The following DNAJB14 variants were observed in gnomAD, a reference collection of about 807,000 sequenced individuals.
The protein encoded by DNAJB14 is DnaJ heat shock protein family (Hsp40) member B14.
A neutral mutation model predicts 48.4 loss-of-function variants in DNAJB14; 22 were observed. The ratio of observed to expected loss-of-function variants is 0.45; its 90% CI spans 0.32 to 0.65. The LOEUF (loss-of-function observed/expected upper bound fraction) is 0.65. Among genes scored for constraint, DNAJB14 ranks in the 30% least tolerant of loss-of-function variants. The probability of loss-of-function intolerance (pLI) is 0.03; values close to 1 mark genes in which losing one functional copy is unlikely to be tolerated. For missense variants in DNAJB14, 319 were observed against 458.8 expected, an observed-to-expected ratio of 0.70 and a Z score of 2.78; for synonymous variants, 142 against 158.7, an observed-to-expected ratio of 0.89 and a Z score of 0.79.
At chr4:99,912,491 T>C (rs950465037) in intron 3 of DNAJB14, among the ~76,000 whole-genome samples, 1 of 152,226 alleles carries the variant, frequency 6.6e-6, no homozygotes, top group African/African-American at 2.4e-5. Context: ...ACTTTTTTTT[T>C]TTTTTAAGAC....
chr4:99,901,023 C>T lies in DNAJB14; in HGVS notation c.*5G>A, dbSNP rs1167273346. On this transcript the variant is annotated 3_prime_UTR_variant, in exon 8 of 8. Transcript: ENST00000442697. ...ACGCTAAAAGGTATAAATAAAAATT[C>T]CAGTTCATCCTCCTTTATAAAGACT... is the stretch of plus-strand genomic sequence containing the variant. 1 of 1,600,516 alleles carries T rather than the reference C, an allele frequency of 6.2e-7. No homozygotes were observed. Among genetic ancestry groups the T allele is most frequent in the Non-Finnish European group, 8.5e-7 (1 of 1,176,228 alleles).
At position 99,899,681 on chromosome 4, in the gene DNAJB14, T is replaced by C. The variant is rs1725232664; in HGVS notation, c.*1347A>G. ...CAAAGAAGTATCAAAGATATGTTTA[T>C]GTTCCATTAACCGAGTATGAAGCAA... On this transcript the variant is annotated 3_prime_UTR_variant, in exon 8 of 8. Transcript: ENST00000442697. The C allele has an allele frequency of 6.6e-6, 1 of 152,392 alleles. No individual in the cohort carries two copies. The highest frequency in any genetic ancestry group is 2.4e-5 in the African/African-American group (1 of 41,456). 9.4% of individuals were successfully genotyped at this position (152,392 alleles called of 1,614,324 possible).
chr4:99,930,872 TTTTA>T (rs1365118998), intron 1 of DNAJB14, among the ~76,000 whole-genome samples: 1 of 152,322 alleles, frequency 6.6e-6, no homozygotes, highest in South Asian at 2.1e-4. Flanking sequence ...TATGACATAA[TTTTA>T]TTTGTCATAT....
At chr4:99,925,075 G>C (rs1267565194) in intron 2 of DNAJB14, 1 of 418,492 alleles carries the variant, frequency 2.4e-6, no homozygotes, top group East Asian at 4.1e-5. Flanking sequence ...ATTAGTTCCA[G>C]GATCCTCCCT....
intron 2 of DNAJB14, chr4:99,928,056 T>TTA (rs1430624724): frequency 6.6e-6 from 1 of 151,910 alleles, no homozygotes; most frequent in African/African-American, 2.4e-5. Context: ...GAAAAAAAAA[T>TTA]TACATTTAAT....
chr4:99,937,923 TAAAAAAAAAAAAA>T (rs373465440), intron 1 of DNAJB14, among the ~76,000 whole-genome samples: 2 of 119,944 alleles, frequency 1.7e-5, no homozygotes, highest in African/African-American at 6.2e-5. Context: ...TCTATTTATT[TAAAAAAAAAAAAA>T]AAAAAAAGTT....
intron 3 of DNAJB14, among the ~76,000 whole-genome samples, chr4:99,919,563 G>A (rs1343150305): frequency 6.6e-6 from 1 of 151,454 alleles, no homozygotes; most frequent in African/African-American, 2.4e-5. Flanking sequence ...CAGCCTGGGT[G>A]ACAGAGCAAG....
intron 2 of DNAJB14, chr4:99,928,738 A>G (rs1726349089): frequency 1.1e-5 from 2 of 180,296 alleles, no homozygotes; most frequent in East Asian, 1.6e-4. Flanking sequence ...AGGTGATTCT[A>G]TATTCTTAAA....
intron 2 of DNAJB14, chr4:99,927,968 CA>C (rs1255270136): frequency 6.6e-6 from 1 of 152,124 alleles, no homozygotes; most frequent in East Asian, 1.9e-4. Context: ...AAGAAACTCA[CA>C]TAAAGTACAG....
chr4:99,930,570 T>G lies in DNAJB14; in HGVS notation c.185A>C (p.His62Pro), dbSNP rs763669984. 1.9e-6 allele frequency: 3 copies of G among 1,612,556 alleles called. No homozygotes were observed. Among genetic ancestry groups the G allele is most frequent in the Non-Finnish European group, 2.5e-6 (3 of 1,179,182 alleles). The change falls in exon 2 of 8, where the codon CAT becomes CCT. Residue 62 changes from histidine (H) to proline (P), a missense_variant. Coordinates refer to ENST00000442697, the MANE Select transcript of DNAJB14 (RefSeq NM_001031723.4). Reference protein sequence around the residue: ...KNGSTAGNSPHCRKPSGSGDQ... With the variant: ...KNGSTAGNSPPCRKPSGSGDQ... ...GCCACTACCTGATGGTTTTCGGCAA[T>G]GAGGGCTATTTCCAGCCGTGCTTCC... is the stretch of plus-strand genomic sequence containing the variant.
At chr4:99,914,181 C>G (rs543331186) in intron 3 of DNAJB14, among the ~76,000 whole-genome samples, 1 of 152,256 alleles carries the variant, frequency 6.6e-6, no homozygotes, top group Non-Finnish European at 1.5e-5. Context: ...CAAACACTTC[C>G]CACTAGGCTA....
At chr4:99,914,586 A>T (rs1002096033) in intron 3 of DNAJB14, among the ~76,000 whole-genome samples, 1 of 152,194 alleles carries the variant, frequency 6.6e-6, no homozygotes. Flanking sequence ...TGGCACATGT[A>T]TACATATGTA....
intron 2 of DNAJB14, 52 bp downstream of exon 2, chr4:99,930,398 A>G (rs1726420340): frequency 6.7e-7 from 1 of 1,501,432 alleles, no homozygotes; most frequent in African/African-American, 1.4e-5. Context: ...ATAACATCAA[A>G]AAGTACATTA....
intron 1 of DNAJB14, among the ~76,000 whole-genome samples, chr4:99,932,228 GA>G (rs947293793): frequency 1.1e-4 from 16 of 148,580 alleles, no homozygotes; most frequent in Non-Finnish European, 1.5e-4. Context: ...CAACAGAATG[GA>G]AAAAAAAATG....
Position 99,896,844 on chromosome 4 carries a change from C to T in DNAJB14, c.*4184G>A, listed in dbSNP as rs141538363. ...GCTGAAGTGAATGAGACTTGCCATG[C>T]CAGGTGTCATCTGCTATGCAGTTAC... On this transcript the variant is annotated 3_prime_UTR_variant, in exon 8 of 8. Coordinates refer to ENST00000442697, the MANE Select transcript of DNAJB14 (RefSeq NM_001031723.4). 4 of 152,202 alleles carry T rather than the reference C, an allele frequency of 2.6e-5. No individual in the cohort carries two copies. The East Asian group carries it at 7.7e-4, about 29-fold the overall frequency. 9.4% of individuals were successfully genotyped at this position (152,202 alleles called of 1,614,324 possible).
intron 1 of DNAJB14, among the ~76,000 whole-genome samples, chr4:99,931,026 T>C (rs982366936): frequency 6.6e-6 from 1 of 152,186 alleles, no homozygotes; most frequent in Admixed American, 6.6e-5. Context: ...TGGAATATTA[T>C]CATCCAAATG....
intron 3 of DNAJB14, among the ~76,000 whole-genome samples, chr4:99,921,676 T>C (rs1264945869): frequency 6.6e-6 from 1 of 152,204 alleles, no homozygotes; most frequent in Admixed American, 6.5e-5. Flanking sequence ...AACTCACTTT[T>C]AGCTTTTGGG....
At position 99,900,999 on chromosome 4, in the gene DNAJB14, C is replaced by T. The variant is rs763369578; in HGVS notation, c.*29G>A. 3.0e-5 allele frequency: 48 copies of T among 1,591,972 alleles called. No individual in the cohort carries two copies. Among genetic ancestry groups the T allele is most frequent in the Admixed American group, 1.1e-4 (6 of 54,570 alleles). ...TTACTTACAGAAAAAATAAAGAGTACGCTAAAAGGTATAAATAAAAATTCC... is the reference window on the plus strand; with the variant it reads ...TTACTTACAGAAAAAATAAAGAGTATGCTAAAAGGTATAAATAAAAATTCC... On this transcript the variant is annotated 3_prime_UTR_variant, in exon 8 of 8. Coordinates refer to ENST00000442697, the MANE Select transcript of DNAJB14 (RefSeq NM_001031723.4).
In DNAJB14 at chr4:99,901,474, T is replaced by A. The variant is rs75911653; in HGVS notation, c.1016-322A>T. Among the ~76,000 whole-genome samples, 111 of 152,254 alleles carry A rather than the reference T, an allele frequency of 7.3e-4. No homozygotes were observed. In the East Asian group the frequency reaches 0.021, roughly 29 times the overall value. On this transcript the variant is annotated intron_variant, in intron 7 of 7. Transcript: ENST00000442697. ...GAAGCATCATCTTGGACTCTTTTCC[T>A]AAAAATATTATATGCTTTTCAATAC...
Sources: gnomAD v4.1 joint callset for allele counts (sites outside exome capture counted in the v4.1 genomes callset) on GRCh38, gnomAD v4.1.1 for gene constraint, MANE v1.5 for transcripts, NCBI Gene and HGNC (gene_info 2026-07-23, HGNC 2026-07-21) for gene names.